The following SYNDIG1 variants were observed in gnomAD, a reference collection of about 807,000 sequenced individuals.
SYNDIG1 encodes the protein synapse differentiation inducing 1.
SYNDIG1 carries 9 observed loss-of-function variants against 19.4 expected under a neutral mutation model. The observed-to-expected ratio is 0.46, with a 90% CI of 0.28 to 0.81. The LOEUF (loss-of-function observed/expected upper bound fraction) is 0.81, where lower values mean the gene tolerates loss of function less well. Ranked by LOEUF, SYNDIG1 falls within the 30% of genes least tolerant of loss-of-function variation. The probability of loss-of-function intolerance (pLI) is 0.12; values close to 1 mark genes in which losing one functional copy is unlikely to be tolerated. For missense variants in SYNDIG1, 311 were observed against 343.3 expected, an observed-to-expected ratio of 0.91 and a Z score of 0.74; for synonymous variants, 141 against 145.9, an observed-to-expected ratio of 0.97 and a Z score of 0.24.
chr20:24,555,904 G>T (rs1464764848), intron 2 of SYNDIG1, among the ~76,000 whole-genome samples: 1 of 152,094 alleles, frequency 6.6e-6, no homozygotes, highest in Non-Finnish European at 1.5e-5. Context: ...TGACAGTGGG[G>T]TGTTAAAGTC....
chr20:24,585,237 G>A (rs1036788813), intron 3 of SYNDIG1, among the ~76,000 whole-genome samples: 6 of 152,338 alleles, frequency 3.9e-5, no homozygotes, highest in Admixed American at 1.3e-4. Context: ...ACTGCGTTCC[G>A]AAGAGGCTTT....
intron 1 of SYNDIG1, among the ~76,000 whole-genome samples, chr20:24,521,023 A>G (rs1231439996): frequency 6.6e-6 from 1 of 152,094 alleles, no homozygotes; most frequent in African/African-American, 2.4e-5. Context: ...TCTGTCTGTG[A>G]GTGTGACTAT....
intron 2 of SYNDIG1, among the ~76,000 whole-genome samples, chr20:24,562,314 G>A (rs191898263): frequency 2.9e-4 from 44 of 152,170 alleles, no homozygotes; most frequent in Admixed American, 8.5e-4. Context: ...GCAAATATGT[G>A]CCACCATTGA....
chr20:24,526,109 T>C (rs1180950930), intron 1 of SYNDIG1, among the ~76,000 whole-genome samples: 1 of 152,190 alleles, frequency 6.6e-6, no homozygotes, highest in African/African-American at 2.4e-5. Context: ...TCCATGTCCG[T>C]ATGCTTTAGG....
intron 2 of SYNDIG1, among the ~76,000 whole-genome samples, chr20:24,550,883 T>TCCTCTTTAAGTGTC (rs2057694283): frequency 6.6e-6 from 1 of 152,214 alleles, no homozygotes; most frequent in Non-Finnish European, 1.5e-5. Flanking sequence ...TGGTTTATAA[T>TCCTCTTTAAGTGTC]CCTCTTTAAG....
intron 3 of SYNDIG1, among the ~76,000 whole-genome samples, chr20:24,645,423 G>T (rs2147349869): frequency 6.6e-6 from 1 of 152,364 alleles, no homozygotes; most frequent in South Asian, 2.1e-4. Context: ...CACGCTGCCG[G>T]ATAGGATGCT....
chr20:24,617,514 C>A (rs895714945), intron 3 of SYNDIG1, among the ~76,000 whole-genome samples: 1 of 152,170 alleles, frequency 6.6e-6, no homozygotes, highest in African/African-American at 2.4e-5. Context: ...TAGACACTGC[C>A]CTCCGGGTGC....
chr20:24,617,832 G>C (rs1417838478), intron 3 of SYNDIG1, among the ~76,000 whole-genome samples: 2 of 144,772 alleles, frequency 1.4e-5, no homozygotes, highest in East Asian at 4.2e-4. Flanking sequence ...GGGAGAGACC[G>C]GGAAGGGGGG....
At chr20:24,554,380 G>T (rs1207478061) in intron 2 of SYNDIG1, among the ~76,000 whole-genome samples, 4 of 152,182 alleles carry the variant, frequency 2.6e-5, no homozygotes, top group Admixed American at 2.0e-4. Flanking sequence ...ACTGTCTTGT[G>T]CCAGTTTTCA....
chr20:24,581,345 TAAAC>T (rs1377495561), intron 2 of SYNDIG1, among the ~76,000 whole-genome samples: 1 of 152,190 alleles, frequency 6.6e-6, no homozygotes, highest in Middle Eastern at 3.4e-3. Context: ...AAAAGATAAA[TAAAC>T]AGACAGGCGG....
chr20:24,595,394 G>A (rs543715272), intron 3 of SYNDIG1, among the ~76,000 whole-genome samples: 2 of 152,072 alleles, frequency 1.3e-5, no homozygotes, highest in Non-Finnish European at 2.9e-5. Context: ...TTTTTGATGT[G>A]CTTGTGGTTT....
chr20:24,631,034 C>A (rs1375953824), intron 3 of SYNDIG1, among the ~76,000 whole-genome samples: 1 of 152,228 alleles, frequency 6.6e-6, no homozygotes, highest in East Asian at 1.9e-4. Flanking sequence ...GTCATAGACA[C>A]CCTTGGATTG....
intron 3 of SYNDIG1, among the ~76,000 whole-genome samples, chr20:24,598,600 A>C (rs1431065504): frequency 1.3e-5 from 2 of 152,232 alleles, no homozygotes; most frequent in African/African-American, 4.8e-5. Context: ...CTGTGAGGAA[A>C]TCCACAAGCA....
At chr20:24,587,838 G>T (rs1414421898) in intron 3 of SYNDIG1, among the ~76,000 whole-genome samples, 1 of 152,212 alleles carries the variant, frequency 6.6e-6, no homozygotes, top group African/African-American at 2.4e-5. Flanking sequence ...ATCTAAGTGT[G>T]ACTTTGGGTT....
At chr20:24,479,235 T>C (rs2055725083) in intron 1 of SYNDIG1, among the ~76,000 whole-genome samples, 3 of 152,128 alleles carry the variant, frequency 2.0e-5, no homozygotes, top group African/African-American at 7.2e-5. Context: ...GGAGAGTGAC[T>C]TGGGAGCCCC....
intron 2 of SYNDIG1, among the ~76,000 whole-genome samples, chr20:24,581,965 C>T (rs76582986): frequency 0.033 from 5,039 of 150,658 alleles, 254 homozygotes; most frequent in African/African-American, 0.11. Flanking sequence ...ACGTCCTCCC[C>T]ACTGCACATC....
intron 3 of SYNDIG1, 29 bp from the exon 4 acceptor site, chr20:24,665,317 G>T (rs1468255910): frequency 1.3e-6 from 2 of 1,578,334 alleles, no homozygotes; most frequent in South Asian, 1.2e-5. Flanking sequence ...TGCTTACAAT[G>T]ACTTCCTTTT....
At chr20:24,505,969 G>T (rs769410252) in intron 1 of SYNDIG1, among the ~76,000 whole-genome samples, 1 of 152,198 alleles carries the variant, frequency 6.6e-6, no homozygotes, top group East Asian at 1.9e-4. Context: ...TGGTTTCTTT[G>T]TAACTGGTCC....
At position 24,523,195 on chromosome 20, in the gene SYNDIG1, C is replaced by T. The variant is rs1208305273; in HGVS notation, c.-78-19825C>T. Among the ~76,000 whole-genome samples, 4 of 152,176 alleles carry T rather than the reference C, an allele frequency of 2.6e-5. No homozygotes were observed. In the East Asian group the frequency reaches 7.7e-4, roughly 29 times the overall value. On this transcript the variant is annotated intron_variant, in intron 1 of 3. Transcript: ENST00000376862. Reference sequence around the variant, plus strand: ...AGCTCTGCAGCTTATAGGCGAAAGACCTTAAACAGGTTGCTTCAGTTTTTG... The same window carrying T: ...AGCTCTGCAGCTTATAGGCGAAAGATCTTAAACAGGTTGCTTCAGTTTTTG...
Sources: gnomAD v4.1 joint callset for allele counts (sites outside exome capture counted in the v4.1 genomes callset) on GRCh38, gnomAD v4.1.1 for gene constraint, MANE v1.5 for transcripts, NCBI Gene and HGNC (gene_info 2026-07-23, HGNC 2026-07-21) for gene names.